MAPT: variants seen among roughly 807,000 people sequenced by gnomAD.
The protein encoded by MAPT is microtubule-associated protein tau.
A neutral mutation model predicts 67.9 loss-of-function variants in MAPT; 34 were observed. That is an observed-to-expected ratio of 0.50 (90% CI 0.38 to 0.67). The LOEUF (loss-of-function observed/expected upper bound fraction) is 0.67. MAPT is among the 30% of genes least tolerant of loss of function. The pLI is 0.00. For synonymous variants in MAPT, 456 were observed against 464.5 expected (o/e 0.98, Z 0.23); for missense variants, 881 against 1,115.2 (o/e 0.79, Z 2.99).
intron 1 of MAPT, chr17:45,895,423 C>G (rs1291269797): frequency 6.6e-6 from 1 of 152,300 alleles, no homozygotes; most frequent in Non-Finnish European, 1.5e-5. Context: ...CGAGCAGCGC[C>G]GTGCCTGAGA....
At position 46,028,218 on chromosome 17, in the gene MAPT, T is replaced by TA. The variant is rs1321464929; in HGVS notation, c.*4048dup. 6.6e-6 allele frequency: 1 copy of TA among 150,828 alleles called. No homozygotes were observed. The highest frequency in any genetic ancestry group is 2.4e-5 in the African/African-American group (1 of 41,160). The allele number at this position is 150,828 out of a possible 1,614,324, so 9.3% of individuals were successfully genotyped here. A position where few individuals can be genotyped will look rare whatever the true frequency, so the allele number is the denominator to read the frequency against. On this transcript the variant is annotated 3_prime_UTR_variant, in exon 13 of 13. Coordinates refer to ENST00000262410, the MANE Select transcript of MAPT (RefSeq NM_001377265.1). ...TGGGGGGAGGGACATGAAATCATCT[T>TA]AGCTTAGCTTTCTGTCTGTGAATGT...
At position 45,948,974 on chromosome 17, in the gene MAPT, C is replaced by T. The variant is rs575265785; in HGVS notation, c.-17-13347C>T. Among the ~76,000 whole-genome samples the T allele has an allele frequency of 7.9e-5, 12 of 152,316 alleles. No individual in the cohort carries two copies. The South Asian group carries it at 2.3e-3, about 29-fold the overall frequency. ...TGGTCTTCAGTTACCTGCAAGAGAT[C>T]CATTTAGGGGATTTTTGTTTGTTTT... On this transcript the variant is annotated intron_variant, in intron 1 of 12. Transcript: ENST00000262410.
At chr17:45,940,626 A>G (rs2067767268) in intron 1 of MAPT, among the ~76,000 whole-genome samples, 1 of 152,204 alleles carries the variant, frequency 6.6e-6, no homozygotes, top group African/African-American at 2.4e-5. Context: ...AGGAGACGAC[A>G]GGGGATATGG....
intron 4 of MAPT, 93 bp downstream of exon 4, chr17:45,978,533 T>C: frequency 9.8e-7 from 1 of 1,023,056 alleles, no homozygotes; most frequent in East Asian, 2.4e-5. Context: ...GGACCTGAGC[T>C]CTAATTCACA....
chr17:45,993,814 A>C lies in MAPT; in HGVS notation c.1732+2228A>C. On this transcript the variant is annotated intron_variant, in intron 8 of 12. Transcript: ENST00000262410. Reference sequence around the variant, plus strand: ...CCCTTGGGCCCCTCGACCTTGTTTCAGAATGGGGCCCCTGCTGGGCCAGCT... The same window carrying C: ...CCCTTGGGCCCCTCGACCTTGTTTCCGAATGGGGCCCCTGCTGGGCCAGCT... 7 of 1,157,008 alleles carry C rather than the reference A, an allele frequency of 6.1e-6. No homozygotes were observed. In the South Asian group the frequency reaches 7.9e-5, roughly 13 times the overall value. 71.7% of individuals were successfully genotyped at this position (1,157,008 alleles called of 1,614,324 possible). A position where few individuals can be genotyped will look rare whatever the true frequency, so the allele number is the denominator to read the frequency against.
chr17:46,020,562 C>G (rs1422352459), intron 12 of MAPT, among the ~76,000 whole-genome samples: 1 of 152,168 alleles, frequency 6.6e-6, no homozygotes, highest in Non-Finnish European at 1.5e-5. Flanking sequence ...CGATACTGGG[C>G]AGTCTAAAAG....
chr17:45,901,652 T>C (rs1357701705), intron 1 of MAPT, among the ~76,000 whole-genome samples: 2 of 152,196 alleles, frequency 1.3e-5, no homozygotes, highest in Non-Finnish European at 2.9e-5. Context: ...TAAAAAGTCA[T>C]TATATCAGAA....
chr17:45,974,484 C>G, intron 3 of MAPT: 1 of 1,584,500 alleles, frequency 6.3e-7, no homozygotes, highest in Non-Finnish European at 8.6e-7. Context: ...GAGGGTAAGC[C>G]CCAGAGACCC....
In MAPT at chr17:46,024,249, C is replaced by A. The variant is rs1467728830; in HGVS notation, c.*78C>A. On this transcript the variant is annotated 3_prime_UTR_variant, in exon 13 of 13. Coordinates refer to ENST00000262410, the MANE Select transcript of MAPT (RefSeq NM_001377265.1). ...GGAAAAAAAAAGAATAATGACCCGGCCCCCGCCCTCTGCCCCCAGCTGCTC... is the reference window on the plus strand; with the variant it reads ...GGAAAAAAAAAGAATAATGACCCGGACCCCGCCCTCTGCCCCCAGCTGCTC... 4 of 1,283,818 alleles carry A rather than the reference C, an allele frequency of 3.1e-6. No individual in the cohort carries two copies. The highest frequency in any genetic ancestry group is 4.4e-6 in the Non-Finnish European group (4 of 901,246). The allele number at this position is 1,283,818 out of a possible 1,614,324, so 79.5% of individuals were successfully genotyped here.
At chr17:45,950,519 T>G (rs2068956838) in intron 1 of MAPT, among the ~76,000 whole-genome samples, 1 of 152,112 alleles carries the variant, frequency 6.6e-6, no homozygotes, top group Admixed American at 6.6e-5. Context: ...TCTGGGCCCC[T>G]GCCAGGCTCC....
intron 2 of MAPT, among the ~76,000 whole-genome samples, chr17:45,965,467 G>A (rs912197314): frequency 6.6e-6 from 1 of 151,748 alleles, no homozygotes; most frequent in African/African-American, 2.4e-5. Context: ...CCAGGCTGGA[G>A]TGTAGTGGCG....
At chr17:45,938,381 G>A (rs1412695416) in intron 1 of MAPT, among the ~76,000 whole-genome samples, 1 of 152,224 alleles carries the variant, frequency 6.6e-6, no homozygotes, top group Non-Finnish European at 1.5e-5. Flanking sequence ...GCAATGGCAG[G>A]ATGAGTCCTC....
chr17:46,011,019 C>A (rs1040758518), intron 10 of MAPT, among the ~76,000 whole-genome samples: 2 of 152,260 alleles, frequency 1.3e-5, no homozygotes. Flanking sequence ...ACTCCAGATG[C>A]AAAGAGCCAA....
intron 1 of MAPT, among the ~76,000 whole-genome samples, chr17:45,936,423 G>A (rs564272091): frequency 3.2e-4 from 48 of 152,340 alleles, no homozygotes; most frequent in African/African-American, 1.1e-3. Context: ...ATGCACATGC[G>A]TGGGCATGGG....
chr17:45,933,037 G>A (rs900462227), intron 1 of MAPT, among the ~76,000 whole-genome samples: 1 of 151,896 alleles, frequency 6.6e-6, no homozygotes, highest in African/African-American at 2.4e-5. Flanking sequence ...GGCCAAGATC[G>A]CACCATTGCA....
chr17:45,956,850 G>A (rs2069787427), intron 1 of MAPT, among the ~76,000 whole-genome samples: 1 of 150,760 alleles, frequency 6.6e-6, no homozygotes, highest in Non-Finnish European at 1.5e-5. Context: ...TGCTGTGTTT[G>A]GTTTTTTTGT....
chr17:46,012,263 C>T (rs986150917), intron 10 of MAPT, among the ~76,000 whole-genome samples: 7 of 152,204 alleles, frequency 4.6e-5, no homozygotes, highest in Admixed American at 2.0e-4. Context: ...TGCCCAAAGA[C>T]GCTGCAGTGC....
rs1232913226 is a variant in MAPT at position 45,971,031 on chromosome 17, A to G, written c.134-828A>G. 6.6e-6 allele frequency among the ~76,000 whole-genome samples: 1 copy of G among 152,230 alleles called. No individual in the cohort carries two copies. The highest frequency in any genetic ancestry group is 2.4e-5 in the African/African-American group (1 of 41,470). On this transcript the variant is annotated intron_variant, in intron 2 of 12. Coordinates refer to ENST00000262410, the MANE Select transcript of MAPT (RefSeq NM_001377265.1). The surrounding 1 kb of genome is among the most constrained non-coding windows in gnomAD (Gnocchi z 4.3). Reference sequence around the variant, plus strand: ...GGCCTTGACCTGCTCAGCCCTGGATACTGCATGATGCATTGATAAGCCCAT... The same window carrying G: ...GGCCTTGACCTGCTCAGCCCTGGATGCTGCATGATGCATTGATAAGCCCAT...
intron 2 of MAPT, among the ~76,000 whole-genome samples, chr17:45,966,816 T>C (rs2071136308): frequency 6.6e-6 from 1 of 152,222 alleles, no homozygotes; most frequent in South Asian, 2.1e-4. Context: ...CTATATATAC[T>C]GTATATAAAA....
Sources: gnomAD v4.1 joint callset for allele counts (sites outside exome capture counted in the v4.1 genomes callset) on GRCh38, gnomAD v4.1.1 for gene constraint, Gnocchi (gnomAD v3.1) non-coding constraint, MANE v1.5 for transcripts, NCBI Gene and HGNC (gene_info 2026-07-23, HGNC 2026-07-21) for gene names.